The following ELF1 variants were observed in gnomAD, a reference collection of about 807,000 sequenced individuals.
The protein encoded by ELF1 is ETS-related transcription factor Elf-1.
ELF1 carries 24 observed loss-of-function variants against 59.9 expected under a neutral mutation model. That is an observed-to-expected ratio of 0.40 (90% CI 0.29 to 0.56). ELF1 has a LOEUF of 0.56. Ranked by LOEUF, ELF1 falls within the 20% of genes least tolerant of loss-of-function variation. ELF1 has a pLI of 0.44. For synonymous variants in ELF1, 248 were observed against 266.2 expected (o/e 0.93, Z 0.67); for missense variants, 627 against 742.2 (o/e 0.84, Z 1.80).
chr13:40,996,871 G>C (rs1427169854), intron 1 of ELF1, among the ~76,000 whole-genome samples: 1 of 150,928 alleles, frequency 6.6e-6, no homozygotes, highest in East Asian at 1.9e-4. Context: ...GCATTTTATA[G>C]TTCCCCAACT....
chr13:41,059,524 C>A (rs918058439), intron 1 of ELF1, among the ~76,000 whole-genome samples: 1 of 152,222 alleles, frequency 6.6e-6, no homozygotes, highest in Non-Finnish European at 1.5e-5. Flanking sequence ...ACAAAATAGT[C>A]TGGGAACACA....
At chr13:40,998,040 G>A (rs1469978574) in intron 1 of ELF1, among the ~76,000 whole-genome samples, 3 of 152,136 alleles carry the variant, frequency 2.0e-5, no homozygotes, top group Non-Finnish European at 2.9e-5. Context: ...CAGCTTACCC[G>A]TGAGGTTGAG....
At chr13:40,998,749 A>G (rs1002640466) in intron 1 of ELF1, among the ~76,000 whole-genome samples, 2 of 152,206 alleles carry the variant, frequency 1.3e-5, no homozygotes, top group Non-Finnish European at 2.9e-5. Flanking sequence ...GTTACTATTA[A>G]CTAAAGTGCA....
At chr13:40,998,790 T>C (rs1433590494) in intron 1 of ELF1, among the ~76,000 whole-genome samples, 1 of 152,156 alleles carries the variant, frequency 6.6e-6, no homozygotes, top group African/African-American at 2.4e-5. Context: ...TTTTCTCTAA[T>C]AGGAAACTGT....
chr13:41,035,146 T>C (rs1262961462), intron 1 of ELF1, among the ~76,000 whole-genome samples: 2 of 152,280 alleles, frequency 1.3e-5, no homozygotes, highest in African/African-American at 4.8e-5. Context: ...CACTTATGGT[T>C]ACTGCTATGC....
At chr13:40,986,217 A>T (rs1201977614) in intron 1 of ELF1, among the ~76,000 whole-genome samples, 2 of 152,212 alleles carry the variant, frequency 1.3e-5, no homozygotes, top group Non-Finnish European at 2.9e-5. Flanking sequence ...ATTGGGTGCC[A>T]ATCTTCTGCA....
At chr13:40,945,491 C>T (rs896016821) in intron 5 of ELF1, among the ~76,000 whole-genome samples, 2 of 151,910 alleles carry the variant, frequency 1.3e-5, no homozygotes, top group Non-Finnish European at 2.9e-5. Context: ...CGGTCGGCTT[C>T]TTTTTTTTGA....
intron 1 of ELF1, among the ~76,000 whole-genome samples, chr13:41,036,005 C>T (rs138486780): frequency 0.071 from 10,782 of 151,430 alleles, 789 homozygotes; most frequent in East Asian, 0.21. Context: ...TCCGGGTTCA[C>T]GCCATTCTCC....
chr13:41,044,013 C>G (rs1368294222), intron 1 of ELF1, among the ~76,000 whole-genome samples: 1 of 152,186 alleles, frequency 6.6e-6, no homozygotes, highest in Non-Finnish European at 1.5e-5. Context: ...AGGTCCTTCA[C>G]ATCCCTTAAG....
intron 2 of ELF1, among the ~76,000 whole-genome samples, chr13:40,963,698 AGAGATT>A (rs1390073727): frequency 1.6e-4 from 24 of 152,092 alleles, no homozygotes; most frequent in Admixed American, 1.2e-3. Context: ...CACGAGGTCA[AGAGATT>A]GAGAACATCC....
chr13:41,004,820 G>A (rs1394496948), intron 1 of ELF1, among the ~76,000 whole-genome samples: 3 of 152,070 alleles, frequency 2.0e-5, no homozygotes. Flanking sequence ...AAAGATATAT[G>A]TTCCTATTAG....
At chr13:41,052,548 AT>A (rs1877128146) in intron 1 of ELF1, among the ~76,000 whole-genome samples, 1 of 152,124 alleles carries the variant, frequency 6.6e-6, no homozygotes, top group South Asian at 2.1e-4. Context: ...ATCACCAAGT[AT>A]TTTGAAAGTT....
intron 1 of ELF1, among the ~76,000 whole-genome samples, chr13:41,017,018 A>ATCTAG (rs1158990385): frequency 7.5e-6 from 1 of 133,032 alleles, no homozygotes; most frequent in Non-Finnish European, 1.6e-5. Context: ...CTGTCTTTGT[A>ATCTAG]TCTAGAAGCT....
Position 40,981,993 on chromosome 13 carries a change from T to A in ELF1, c.62A>T (p.Asp21Val), listed in dbSNP as rs1442289656. Residue 21 changes from aspartate to valine, a missense_variant, in exon 2 of 9, where the codon GAT (aspartate) becomes GTT (valine). Physicochemically the swap from Asp to Val is radical, Grantham distance 152. Transcript: ENST00000239882. ...CTCTGAATCTCATACCTGTCGTTCATCCTCCATGACGTTACTAGCAAATTC... is the reference window on the plus strand; with the variant it reads ...CTCTGAATCTCATACCTGTCGTTCAACCTCCATGACGTTACTAGCAAATTC... ...VFEFASNVME[D>V]ERQLGDPAIF... 1.9e-6 allele frequency: 3 copies of A among 1,606,080 alleles called. No individual in the cohort carries two copies. In the East Asian group the frequency reaches 6.8e-5, roughly 36 times the overall value.
chr13:41,039,746 T>C (rs951243222), intron 1 of ELF1, among the ~76,000 whole-genome samples: 2 of 152,174 alleles, frequency 1.3e-5, no homozygotes, highest in African/African-American at 4.8e-5. Flanking sequence ...ATATCTGCAA[T>C]TTAATAAAAA....
At chr13:40,987,683 T>C (rs1873633021) in intron 1 of ELF1, among the ~76,000 whole-genome samples, 1 of 150,936 alleles carries the variant, frequency 6.6e-6, no homozygotes, top group Non-Finnish European at 1.5e-5. Context: ...AGGTGAAATA[T>C]ACCAGCTTAA....
At chr13:41,057,142 C>T (rs1172604258) in intron 1 of ELF1, among the ~76,000 whole-genome samples, 1 of 124,564 alleles carries the variant, frequency 8.0e-6, no homozygotes, top group African/African-American at 3.0e-5. Context: ...ATTTACTGAA[C>T]TTTCACGTCT....
At chr13:40,969,513 A>G (rs998698360) in intron 2 of ELF1, among the ~76,000 whole-genome samples, 1 of 152,248 alleles carries the variant, frequency 6.6e-6, no homozygotes, top group African/African-American at 2.4e-5. Context: ...TATAAAATGC[A>G]TATCACGTGC....
intron 1 of ELF1, among the ~76,000 whole-genome samples, chr13:41,051,664 G>T (rs1877093265): frequency 6.6e-6 from 1 of 151,978 alleles, no homozygotes; most frequent in African/African-American, 2.4e-5. Context: ...AAAACTTTAA[G>T]TAATAAGATT....
Sources: allele counts gnomAD v4.1 joint callset (sites outside exome capture counted in the v4.1 genomes callset), GRCh38; gene constraint gnomAD v4.1.1; transcripts MANE v1.5; gene names NCBI Gene and HGNC (gene_info 2026-07-23, HGNC 2026-07-21).